Variants in GLRA1 observed in about 807,000 individuals in gnomAD.
The protein encoded by GLRA1 is glycine receptor subunit alpha-1.
Under a neutral mutation model 48.3 loss-of-function variants are expected in GLRA1, and 37 were observed. That is an observed-to-expected ratio of 0.77 (90% confidence interval 0.59 to 1.01). The LOEUF is 1.01. GLRA1 is among the 50% of genes least tolerant of loss of function. The probability of loss-of-function intolerance (pLI) is 0.00; values close to 1 mark genes in which losing one functional copy is unlikely to be tolerated. For synonymous variants in GLRA1, 196 were observed against 210.7 expected (o/e 0.93, Z 0.60); for missense variants, 427 against 571.0 (o/e 0.75, Z 2.57).
chr5:151,878,350 G>A (rs762878564), intron 3 of GLRA1, among the ~76,000 whole-genome samples: 7 of 152,110 alleles, frequency 4.6e-5, no homozygotes, highest in East Asian at 1.9e-4. Flanking sequence ...AAAGGCACTC[G>A]GTTTTATAAG....
chr5:151,889,844 A>G (rs1754014911), intron 2 of GLRA1, among the ~76,000 whole-genome samples: 1 of 152,080 alleles, frequency 6.6e-6, no homozygotes, highest in African/African-American at 2.4e-5. Context: ...AGTACAAAGG[A>G]GGGCAGAGAA....
At chr5:151,896,239 TA>T (rs1475211423) in intron 1 of GLRA1, among the ~76,000 whole-genome samples, 1 of 152,202 alleles carries the variant, frequency 6.6e-6, no homozygotes, top group Non-Finnish European at 1.5e-5. Flanking sequence ...CTGGCTCACT[TA>T]AAACCTTGGC....
At chr5:151,906,520 G>A (rs1431838182) in intron 1 of GLRA1, among the ~76,000 whole-genome samples, 1 of 152,198 alleles carries the variant, frequency 6.6e-6, no homozygotes, top group South Asian at 2.1e-4. Flanking sequence ...AAATTGACCT[G>A]TAAGGAATAA....
At chr5:151,887,543 T>TA (rs1753940620) in intron 2 of GLRA1, among the ~76,000 whole-genome samples, 3 of 152,232 alleles carry the variant, frequency 2.0e-5, no homozygotes, top group Admixed American at 2.0e-4. Context: ...GGTATGGTTA[T>TA]TACCTTCATT....
intron 3 of GLRA1, among the ~76,000 whole-genome samples, chr5:151,871,850 C>T (rs1311548013): frequency 6.7e-6 from 1 of 149,880 alleles, no homozygotes; most frequent in East Asian, 1.9e-4. Flanking sequence ...AGGCGTGAAC[C>T]ACCGCGCCCG....
chr5:151,877,036 C>G (rs768541377), intron 3 of GLRA1, among the ~76,000 whole-genome samples: 31 of 152,108 alleles, frequency 2.0e-4, no homozygotes, highest in Non-Finnish European at 4.1e-4. Flanking sequence ...TCACTAGAGA[C>G]CAACTCTGGT....
intron 7 of GLRA1, among the ~76,000 whole-genome samples, chr5:151,839,469 T>C (rs1581605364): frequency 6.6e-6 from 1 of 152,232 alleles, no homozygotes; most frequent in Non-Finnish European, 1.5e-5. Flanking sequence ...GTAATTTGTA[T>C]GATAATAGTG....
chr5:151,838,823 A>G (rs1283043300), intron 7 of GLRA1, among the ~76,000 whole-genome samples: 1 of 150,740 alleles, frequency 6.6e-6, no homozygotes, highest in Non-Finnish European at 1.5e-5. Context: ...TCCAAGTAAG[A>G]TAAAGAGATC....
At chr5:151,910,681 A>C (rs1345349230) in intron 1 of GLRA1, among the ~76,000 whole-genome samples, 2 of 152,210 alleles carry the variant, frequency 1.3e-5, no homozygotes, top group Non-Finnish European at 2.9e-5. Context: ...CAACTATAAC[A>C]AGAAACAGTC....
chr5:151,871,839 C>T (rs1441498133), intron 3 of GLRA1, among the ~76,000 whole-genome samples: 1 of 149,838 alleles, frequency 6.7e-6, no homozygotes, highest in East Asian at 1.9e-4. Context: ...GCCGGGATTA[C>T]AGGCGTGAAC....
At chr5:151,880,990 T>C (rs774575977) in intron 3 of GLRA1, among the ~76,000 whole-genome samples, 2 of 152,252 alleles carry the variant, frequency 1.3e-5, no homozygotes, top group Non-Finnish European at 2.9e-5. Context: ...CATGTACAAA[T>C]ATAAACATAG....
At chr5:151,894,589 G>A (rs1287125050) in intron 1 of GLRA1, among the ~76,000 whole-genome samples, 1 of 152,110 alleles carries the variant, frequency 6.6e-6, no homozygotes, top group Non-Finnish European at 1.5e-5. Context: ...TGCTGATGTA[G>A]TTATCTGTGT....
chr5:151,896,845 A>G (rs1273461964), intron 1 of GLRA1, among the ~76,000 whole-genome samples: 1 of 152,248 alleles, frequency 6.6e-6, no homozygotes, highest in Non-Finnish European at 1.5e-5. Flanking sequence ...CCATAATAGC[A>G]AATACAATGA....
intron 1 of GLRA1, among the ~76,000 whole-genome samples, chr5:151,898,552 C>A (rs1754280086): frequency 6.6e-6 from 1 of 152,138 alleles, no homozygotes; most frequent in Non-Finnish European, 1.5e-5. Flanking sequence ...AGAGGGGATC[C>A]CTCCAGTCAA....
At position 151,856,250 on chromosome 5, in the gene GLRA1, T is replaced by C. The variant is rs752691930; in HGVS notation, c.559+51A>G. ...TGTGTGGGAATTTCTGCCTATCCCA[T>C]GGGTAAAAAGGAGCCTGGTTCTTTC... On this transcript the variant is annotated intron_variant, in intron 5 of 8. Coordinates refer to ENST00000274576, the MANE Select transcript of GLRA1 (RefSeq NM_000171.4). 47 of 1,262,070 alleles carry C rather than the reference T, an allele frequency of 3.7e-5. No individual in the cohort carries two copies. The Admixed American group carries it at 7.8e-4, about 21-fold the overall frequency. The allele number at this position is 1,262,070 out of a possible 1,614,324, so 78.2% of individuals were successfully genotyped here.
chr5:151,909,942 T>A (rs1754568769), intron 1 of GLRA1, among the ~76,000 whole-genome samples: 1 of 152,128 alleles, frequency 6.6e-6, no homozygotes, highest in African/African-American at 2.4e-5. Context: ...AATTGCACAG[T>A]GAATTGGGTA....
chr5:151,920,063 G>A (rs1017643142), intron 1 of GLRA1, among the ~76,000 whole-genome samples: 2 of 152,212 alleles, frequency 1.3e-5, no homozygotes, highest in African/African-American at 4.8e-5. Flanking sequence ...GCAATGACAG[G>A]GACTCTGGCA....
intron 1 of GLRA1, among the ~76,000 whole-genome samples, chr5:151,892,983 A>T (rs1754119915): frequency 6.6e-6 from 1 of 152,202 alleles, no homozygotes; most frequent in South Asian, 2.1e-4. Context: ...AAGCTTTGAC[A>T]AGCTTATATG....
At chr5:151,840,756 C>T (rs1763694909) in intron 7 of GLRA1, among the ~76,000 whole-genome samples, 1 of 148,762 alleles carries the variant, frequency 6.7e-6, no homozygotes, top group South Asian at 2.1e-4. Context: ...ACAAACAAAC[C>T]AGTCTTTAAG....
Sources: allele counts gnomAD v4.1 joint callset (sites outside exome capture counted in the v4.1 genomes callset), GRCh38; gene constraint gnomAD v4.1.1; transcripts MANE v1.5; gene names NCBI Gene and HGNC (gene_info 2026-07-23, HGNC 2026-07-21).